Variants in SPRED2 observed in about 807,000 individuals in gnomAD.
SPRED2 encodes the protein sprouty related EVH1 domain containing 2, also known as sprouty-related, EVH1 domain-containing protein 2.
SPRED2 carries 47 observed loss-of-function variants against 43.0 expected under a neutral mutation model. The ratio of observed to expected loss-of-function variants is 1.09; its 90% confidence interval spans 0.87 to 1.40. The LOEUF (loss-of-function observed/expected upper bound fraction) is 1.40. SPRED2 is among the 40% of genes most tolerant of loss of function. The pLI, the probability that SPRED2 is intolerant of heterozygous loss-of-function variation, is 0.00. For missense variants in SPRED2, 561 were observed against 586.4 expected, an observed-to-expected ratio of 0.96 and a Z score of 0.45; for synonymous variants, 225 against 225.7, an observed-to-expected ratio of 1.00 and a Z score of 0.03.
At chr2:65,337,772 T>C (rs1210730791) in intron 2 of SPRED2, among the ~76,000 whole-genome samples, 1 of 152,238 alleles carries the variant, frequency 6.6e-6, no homozygotes, top group African/African-American at 2.4e-5. Context: ...CTAACGGACA[T>C]TTATGTCAGT....
At chr2:65,409,341 A>G (rs1389366675) in intron 1 of SPRED2, among the ~76,000 whole-genome samples, 1 of 152,238 alleles carries the variant, frequency 6.6e-6, no homozygotes, top group East Asian at 1.9e-4. Context: ...AATGTGAAAT[A>G]CTTCATTAGC....
chr2:65,384,446 A>G (rs1412603461), intron 1 of SPRED2, among the ~76,000 whole-genome samples: 2 of 152,216 alleles, frequency 1.3e-5, no homozygotes, highest in Admixed American at 6.5e-5. Context: ...GCCTGGTACA[A>G]AATGAAAATA....
intron 4 of SPRED2, among the ~76,000 whole-genome samples, chr2:65,320,651 G>GC (rs1425711862): frequency 6.6e-6 from 1 of 152,176 alleles, no homozygotes; most frequent in Non-Finnish European, 1.5e-5. Flanking sequence ...AGTCTTCCAG[G>GC]CCCAGCTGTT....
chr2:65,339,083 T>G (rs1485587541), intron 2 of SPRED2, among the ~76,000 whole-genome samples: 1 of 90,244 alleles, frequency 1.1e-5, no homozygotes, highest in African/African-American at 5.4e-5. Flanking sequence ...AGCCGCTCCG[T>G]CCGGGAGGGA....
At chr2:65,320,384 C>T (rs17030181) in intron 4 of SPRED2, among the ~76,000 whole-genome samples, 2,114 of 152,246 alleles carry the variant, frequency 0.014, 48 homozygotes, top group African/African-American at 0.049. Flanking sequence ...GAGGCACATC[C>T]GGCTTTTCCT....
At chr2:65,425,827 T>A (rs1242770541) in intron 1 of SPRED2, among the ~76,000 whole-genome samples, 2 of 152,224 alleles carry the variant, frequency 1.3e-5, no homozygotes, top group Non-Finnish European at 2.9e-5. Context: ...GATGACGGGG[T>A]CTTTTTAAAA....
At chr2:65,335,115 G>A (rs1383873378) in intron 2 of SPRED2, among the ~76,000 whole-genome samples, 1 of 152,070 alleles carries the variant, frequency 6.6e-6, no homozygotes. Flanking sequence ...TTTTTATATT[G>A]ATGGTCATCT....
chr2:65,328,938 T>C (rs575691036), intron 4 of SPRED2, among the ~76,000 whole-genome samples: 5 of 152,238 alleles, frequency 3.3e-5, no homozygotes, highest in Non-Finnish European at 5.9e-5. Context: ...AAATGAAACC[T>C]TGATAAGTAC....
intron 1 of SPRED2, among the ~76,000 whole-genome samples, chr2:65,414,733 T>C (rs1399108174): frequency 2.0e-5 from 3 of 152,220 alleles, no homozygotes; most frequent in Non-Finnish European, 4.4e-5. Flanking sequence ...TGCAAGACTT[T>C]GGCCATTACT....
chr2:65,370,471 C>T (rs1252534292), intron 1 of SPRED2, among the ~76,000 whole-genome samples: 1 of 152,170 alleles, frequency 6.6e-6, no homozygotes, highest in Non-Finnish European at 1.5e-5. Flanking sequence ...GTGACAGAAA[C>T]CATACGGTCC....
At chr2:65,422,246 C>T (rs1485857195) in intron 1 of SPRED2, among the ~76,000 whole-genome samples, 1 of 152,084 alleles carries the variant, frequency 6.6e-6, no homozygotes, top group Non-Finnish European at 1.5e-5. Flanking sequence ...TGAAGAGTTC[C>T]CCTACCCCAA....
At chr2:65,414,759 T>G (rs1342216477) in intron 1 of SPRED2, among the ~76,000 whole-genome samples, 1 of 152,194 alleles carries the variant, frequency 6.6e-6, no homozygotes, top group Non-Finnish European at 1.5e-5. Flanking sequence ...AATCTCAAAG[T>G]TGATCTTCTT....
At chr2:65,429,847 G>A (rs1273206294) in intron 1 of SPRED2, among the ~76,000 whole-genome samples, 2 of 152,212 alleles carry the variant, frequency 1.3e-5, no homozygotes, top group Non-Finnish European at 2.9e-5. Flanking sequence ...TGACAGCAGT[G>A]GAGGCTACGG....
chr2:65,317,224 T>G (rs904185375), intron 4 of SPRED2, among the ~76,000 whole-genome samples: 3 of 152,124 alleles, frequency 2.0e-5, no homozygotes, highest in Non-Finnish European at 4.4e-5. Flanking sequence ...TCAAGAATGG[T>G]TACCCTGGCC....
At chr2:65,403,609 A>G (rs886306968) in intron 1 of SPRED2, among the ~76,000 whole-genome samples, 1 of 152,168 alleles carries the variant, frequency 6.6e-6, no homozygotes, top group African/African-American at 2.4e-5. Flanking sequence ...TCAAAATACT[A>G]AAGACTAATT....
At chr2:65,348,462 C>T (rs187594967) in intron 1 of SPRED2, among the ~76,000 whole-genome samples, 19 of 151,822 alleles carry the variant, frequency 1.3e-4, no homozygotes, top group South Asian at 8.4e-4. Context: ...TAACAGGTTG[C>T]GGAATGAATG....
chr2:65,322,679 C>G (rs1225347359), intron 4 of SPRED2, among the ~76,000 whole-genome samples: 1 of 152,146 alleles, frequency 6.6e-6, no homozygotes, highest in East Asian at 1.9e-4. Flanking sequence ...ACAGAGGGGA[C>G]AGTGTCCTGC....
intron 2 of SPRED2, among the ~76,000 whole-genome samples, chr2:65,344,017 C>T (rs191913800): frequency 1.1e-4 from 16 of 151,662 alleles, no homozygotes; most frequent in East Asian, 9.7e-4. Flanking sequence ...TGTAGTGGCG[C>T]GCACCTGTAG....
At chr2:65,411,203 C>A (rs920335781) in intron 1 of SPRED2, among the ~76,000 whole-genome samples, 1 of 152,178 alleles carries the variant, frequency 6.6e-6, no homozygotes, top group Admixed American at 6.5e-5. Flanking sequence ...AATCCTCCAG[C>A]AATCTTTTGA....
Sources: allele counts gnomAD v4.1 joint callset (sites outside exome capture counted in the v4.1 genomes callset), GRCh38; gene constraint gnomAD v4.1.1; transcripts MANE v1.5; gene names NCBI Gene and HGNC (gene_info 2026-07-23, HGNC 2026-07-21).